Variants in ZKSCAN7 observed in about 807,000 individuals in gnomAD.
ZKSCAN7 encodes the protein zinc finger with KRAB and SCAN domains 7, also known as zinc finger protein with KRAB and SCAN domains 7.
A neutral mutation model predicts 65.3 loss-of-function variants in ZKSCAN7; 38 were observed. The ratio of observed to expected loss-of-function variants is 0.58; its 90% CI spans 0.45 to 0.76. The LOEUF is 0.76. Among genes scored for constraint, ZKSCAN7 ranks in the 30% least tolerant of loss-of-function variants. The probability of loss-of-function intolerance (pLI) is 0.00; values close to 1 mark genes in which losing one functional copy is unlikely to be tolerated. For synonymous variants in ZKSCAN7, 321 were observed against 321.0 expected, an observed-to-expected ratio of 1.00 and a Z score of 0.00; for missense variants, 815 against 913.3, an observed-to-expected ratio of 0.89 and a Z score of 1.39.
At chr3:44,557,513 T>G (rs1309648839) in intron 2 of ZKSCAN7, 43 bp downstream of exon 2, 1 of 1,611,434 alleles carries the variant, frequency 6.2e-7, no homozygotes, top group South Asian at 1.1e-5. Context: ...GCTTCTCTAA[T>G]GCTTGGGTTA....
chr3:44,566,818 A>G (rs1049469837), intron 3 of ZKSCAN7, among the ~76,000 whole-genome samples: 1 of 149,076 alleles, frequency 6.7e-6, no homozygotes, highest in Non-Finnish European at 1.5e-5. Context: ...TTAACTTTTT[A>G]TAGAAATGGG....
Position 44,571,144 on chromosome 3 carries a change from T to C in ZKSCAN7, c.2034T>C (p.Leu678=). 2 of 1,614,016 alleles carry C rather than the reference T, an allele frequency of 1.2e-6. No individual in the cohort carries two copies. Among genetic ancestry groups the C allele is most frequent in the Non-Finnish European group, 1.7e-6 (2 of 1,179,954 alleles). Residue 678 remains leucine, a synonymous_variant, in exon 6 of 6, where the codon CTT becomes CTC. Coordinates refer to ENST00000426540, the MANE Select transcript of ZKSCAN7 (RefSeq NM_001288590.2). ...CGKVFSYSSS[L]MVHQRTHTGE... ...AGGTATTCAGTTATAGCTCCAGCCT[T>C]ATGGTACATCAGAGAACCCATACTG...
chr3:44,576,947 C>G (rs1699933793), downstream of ZKSCAN7, among the ~76,000 whole-genome samples: 1 of 152,042 alleles, frequency 6.6e-6, no homozygotes. Context: ...AGTCATTACT[C>G]CACATTGGAA....
chr3:44,581,543 C>T (rs964947416), intron 5 of ZKSCAN7, among the ~76,000 whole-genome samples: 2 of 152,168 alleles, frequency 1.3e-5, no homozygotes, highest in African/African-American at 4.8e-5. Flanking sequence ...GCACATATTT[C>T]TGAAAAATAT....
At position 44,557,483 on chromosome 3, in the gene ZKSCAN7, G is replaced by A; in HGVS notation, c.423+13G>A. ...TGGATCAGAGGAGGTGAGCAGTTGA[G>A]TCTAGAATGGCGGCCTGATGCTTCT... On this transcript the variant is annotated intron_variant, in intron 2 of 5. Transcript: ENST00000426540. The A allele has an allele frequency of 6.2e-7, 1 of 1,613,602 alleles. No homozygotes were observed. The highest frequency in any genetic ancestry group is 8.5e-7 in the Non-Finnish European group (1 of 1,179,878).
intron 5 of ZKSCAN7, chr3:44,578,247 C>T (rs1237740228): frequency 6.4e-7 from 1 of 1,555,086 alleles, no homozygotes; most frequent in Non-Finnish European, 8.9e-7. Context: ...TCCCACAGTG[C>T]TGTCTGCAGC....
exon 6 of ZKSCAN7, chr3:44,583,003 T>G: frequency 2.2e-6 from 1 of 446,436 alleles, no homozygotes; most frequent in Non-Finnish European, 4.5e-6. Flanking sequence ...CTTGGCTCAC[T>G]TCAATCTCCA....
Position 44,570,054 on chromosome 3 carries a change from G to T in ZKSCAN7, c.944G>T (p.Cys315Phe). 1 of 1,614,022 alleles carries T rather than the reference G, an allele frequency of 6.2e-7. No individual in the cohort carries two copies. Among genetic ancestry groups the T allele is most frequent in the Non-Finnish European group, 8.5e-7 (1 of 1,179,992 alleles). Residue 315 changes from cysteine to phenylalanine, a missense_variant, in exon 6 of 6, where the codon TGT (cysteine) becomes TTT (phenylalanine). By Grantham distance (205) the Cys-to-Phe change is radical (BLOSUM62 -2). Around this residue, in one of 3 missense-constraint regions of ZKSCAN7, gnomAD observed 578 missense variants for 629.5 expected, o/e 0.92. Transcript: ENST00000426540. Reference protein sequence around the residue: ...VPGAAETGDVCEDTFKELEGQ... With the variant: ...VPGAAETGDVFEDTFKELEGQ... The stretch of plus-strand genomic sequence containing the variant: ...GGGGCAGCAGAGACTGGAGATGTTT[G>T]TGAAGATACTTTCAAGGAGTTAGAA...
chr3:44,571,011 C>T lies in ZKSCAN7; in HGVS notation c.1901C>T (p.Pro634Leu). 1 of 1,614,156 alleles carries T rather than the reference C, an allele frequency of 6.2e-7. No homozygotes were observed. Among genetic ancestry groups the T allele is most frequent in the Admixed American group, 1.7e-5 (1 of 60,022 alleles). The change falls in exon 6 of 6, where the codon CCC (proline) becomes CTC (leucine). Residue 634 changes from proline (P) to leucine (L), a missense_variant. Physicochemically the swap from Pro to Leu is moderately conservative, Grantham distance 98. This residue lies in a region of ZKSCAN7 where 578 missense variants were observed against 629.5 expected (regional missense o/e 0.92). Transcript: ENST00000426540. ...RHQRLHTGEK[P>L]YKCNECGKSF... ...CAGAGACTTCACACGGGTGAAAAGC[C>T]CTATAAATGCAATGAGTGTGGAAAA... is the stretch of plus-strand genomic sequence containing the variant.
At chr3:44,579,915 C>T (rs141473427) in intron 5 of ZKSCAN7, 1 of 1,608,988 alleles carries the variant, frequency 6.2e-7, no homozygotes. Flanking sequence ...GACCTCCTGT[C>T]CAGTGACTTG....
Position 44,563,529 on chromosome 3 carries a change from A to C in ZKSCAN7, c.424-1958A>C, listed in dbSNP as rs116447598. Among the ~76,000 whole-genome samples the C allele has an allele frequency of 7.1e-3, 1,079 of 152,312 alleles. 8 individuals are homozygous for C. The highest frequency in any genetic ancestry group is 0.025 in the African/African-American group (1,028 of 41,560). The stretch of plus-strand genomic sequence containing the variant: ...AGTGGAAGTTGAAGAGGAAGCAAGG[A>C]TCCTCTTCACATTGTGGCAGGAAAG... On this transcript the variant is annotated intron_variant, in intron 2 of 5. Coordinates refer to ENST00000426540, the MANE Select transcript of ZKSCAN7 (RefSeq NM_001288590.2).
Position 44,570,191 on chromosome 3 carries a change from G to T in ZKSCAN7, c.1081G>T (p.Gly361Trp), listed in dbSNP as rs139574498. The T allele has an allele frequency of 7.6e-4, 1,230 of 1,614,204 alleles. 3 individuals carry two copies. In the African/African-American group the frequency reaches 0.013, roughly 17 times the overall value. The change falls in exon 6 of 6, where the codon GGG becomes TGG. Residue 361 changes from glycine to tryptophan, a missense_variant. This residue lies in a region of ZKSCAN7 where 578 missense variants were observed against 629.5 expected (regional missense o/e 0.92). Coordinates refer to ENST00000426540, the MANE Select transcript of ZKSCAN7 (RefSeq NM_001288590.2). ...CAGATATGACAAATATAAGGAAGTT[G>T]GGGAACATCCACCTCTGTCTTCCAG... Reference protein sequence around the residue: ...KDRYDKYKEVGEHPPLSSSPV... With the variant: ...KDRYDKYKEVWEHPPLSSSPV...
At chr3:44,562,668 T>A (rs11928781) in intron 2 of ZKSCAN7, among the ~76,000 whole-genome samples, 3,885 of 152,330 alleles carry the variant, frequency 0.026, 106 homozygotes, top group African/African-American at 0.066. Flanking sequence ...ACTTCTTGAA[T>A]GCTTTGCTGC....
At position 44,571,070 on chromosome 3, in the gene ZKSCAN7, C is replaced by T; in HGVS notation, c.1960C>T (p.Gln654Ter). The change falls in exon 6 of 6, where the codon CAG becomes TAG. Residue 654 changes from glutamine to a stop codon, truncating the protein, a stop_gained. Coordinates refer to ENST00000426540, the MANE Select transcript of ZKSCAN7 (RefSeq NM_001288590.2). LOFTEE classifies it high-confidence loss of function. ...FNQNSHLIIH[Q>*]RIHTGEKPYE... ...TCAAAACTCACACCTTATTATACACCAGAGAATTCACACTGGTGAGAAACC... is the reference window on the plus strand; with the variant it reads ...TCAAAACTCACACCTTATTATACACTAGAGAATTCACACTGGTGAGAAACC... 4 of 1,614,084 alleles carry T rather than the reference C, an allele frequency of 2.5e-6. No individual in the cohort carries two copies. The South Asian group carries it at 4.4e-5, about 18-fold the overall frequency.
downstream of ZKSCAN7, among the ~76,000 whole-genome samples, chr3:44,574,435 G>A (rs1699884222): frequency 6.6e-6 from 1 of 152,138 alleles, no homozygotes; most frequent in Non-Finnish European, 1.5e-5. Flanking sequence ...CTTATGTTGT[G>A]CATTAGCAAG....
intron 5 of ZKSCAN7, chr3:44,578,255 A>T: frequency 6.4e-7 from 1 of 1,562,804 alleles, no homozygotes; most frequent in Non-Finnish European, 8.8e-7. Context: ...TGCTGTCTGC[A>T]GCTCATCCTT....
chr3:44,565,635 A>G lies in ZKSCAN7; in HGVS notation c.572A>G (p.His191Arg). The G allele has an allele frequency of 6.2e-7, 1 of 1,602,062 alleles. No individual in the cohort carries two copies. Among genetic ancestry groups the G allele is most frequent in the Non-Finnish European group, 8.5e-7 (1 of 1,174,914 alleles). The change falls in exon 3 of 6, where the codon CAC (histidine) becomes CGC (arginine). Residue 191 changes from histidine (H) to arginine (R), a missense_variant. Coordinates refer to ENST00000426540, the MANE Select transcript of ZKSCAN7 (RefSeq NM_001288590.2). ...LEPPYDPGTH[H>R]LPSGDFAQCT... ...CCTCCTTATGACCCAGGGACACACCACCTCCCCAGTGGGGACTTCGGTACT... is the reference window on the plus strand; with the variant it reads ...CCTCCTTATGACCCAGGGACACACCGCCTCCCCAGTGGGGACTTCGGTACT...
At chr3:44,572,484 C>T (rs554453974), downstream of ZKSCAN7, among the ~76,000 whole-genome samples, 13 of 151,742 alleles carry the variant, frequency 8.6e-5, no homozygotes, top group Admixed American at 4.6e-4. Flanking sequence ...CCCACTGGTA[C>T]GGACTTTCCC....
At chr3:44,555,837 G>A (rs1228249082) in intron 1 of ZKSCAN7, among the ~76,000 whole-genome samples, 2 of 152,198 alleles carry the variant, frequency 1.3e-5, no homozygotes, top group Non-Finnish European at 2.9e-5. Flanking sequence ...TACCAGTAAG[G>A]TGCTGATTTT....
Sources: allele counts gnomAD v4.1 joint callset (sites outside exome capture counted in the v4.1 genomes callset), GRCh38; gene constraint gnomAD v4.1.1; regional missense constraint gnomAD v4.1.1; transcripts MANE v1.5; gene names NCBI Gene and HGNC (gene_info 2026-07-23, HGNC 2026-07-21).